The following PPP1R1C variants were observed in gnomAD, a reference collection of about 807,000 sequenced individuals.
PPP1R1C encodes protein phosphatase 1 regulatory subunit 1C.
Under a neutral mutation model 17.4 loss-of-function variants are expected in PPP1R1C, and 15 were observed. The observed-to-expected ratio is 0.86, with a 90% CI of 0.58 to 1.33. PPP1R1C has a LOEUF of 1.33. Ranked by LOEUF, PPP1R1C falls within the 40% of genes most tolerant of loss-of-function variation. The pLI is 0.00. For synonymous variants in PPP1R1C, 35 were observed against 43.1 expected, an observed-to-expected ratio of 0.81 and a Z score of 0.73; for missense variants, 143 against 130.0, an observed-to-expected ratio of 1.10 and a Z score of -0.48.
At chr2:182,051,504 C>T (rs973210128) in intron 2 of PPP1R1C, among the ~76,000 whole-genome samples, 1 of 152,012 alleles carries the variant, frequency 6.6e-6, no homozygotes. Flanking sequence ...ACAGTATTTC[C>T]ATTGATAGAC....
chr2:182,117,928 T>G (rs376296989), downstream of PPP1R1C: 3 of 152,140 alleles, frequency 2.0e-5, no homozygotes, highest in East Asian at 1.9e-4. Flanking sequence ...ATTCTCTTCA[T>G]TTTCTAAGCT....
chr2:182,023,203 T>A (rs896147716), intron 2 of PPP1R1C, among the ~76,000 whole-genome samples: 1 of 152,022 alleles, frequency 6.6e-6, no homozygotes, highest in Non-Finnish European at 1.5e-5. Context: ...AAATACTGAG[T>A]AACAACATGA....
intron 4 of PPP1R1C, among the ~76,000 whole-genome samples, chr2:182,084,631 T>G (rs1206997297): frequency 6.6e-6 from 1 of 152,196 alleles, no homozygotes; most frequent in Non-Finnish European, 1.5e-5. Context: ...TGCATCTACT[T>G]TTATGCCAAT....
chr2:182,100,615 C>T (rs1326579948), intron 4 of PPP1R1C, among the ~76,000 whole-genome samples: 1 of 151,894 alleles, frequency 6.6e-6, no homozygotes, highest in East Asian at 1.9e-4. Flanking sequence ...TGAAAGATTA[C>T]TTGGTCACTT....
At chr2:181,978,478 T>G (rs188462936) in intron 2 of PPP1R1C, among the ~76,000 whole-genome samples, 1 of 152,304 alleles carries the variant, frequency 6.6e-6, no homozygotes, top group Non-Finnish European at 1.5e-5. Flanking sequence ...CTTTGGAAGC[T>G]TCTTAACTCG....
chr2:182,039,989 TC>T lies in PPP1R1C; in HGVS notation c.143-21452del, dbSNP rs1412521818. Among the ~76,000 whole-genome samples the T allele has an allele frequency of 2.6e-5, 4 of 152,246 alleles. 1 individual carries two copies. The highest frequency in any genetic ancestry group is 9.6e-5 in the African/African-American group (4 of 41,452). The stretch of plus-strand genomic sequence containing the variant: ...GTTGCTGCAAAAGACATTATTTCAT[TC>T]TTTTTATAGCTGAGTAGTATTCCAT... On this transcript the variant is annotated intron_variant, in intron 2 of 4. Transcript: ENST00000682840.
At chr2:182,065,859 T>C (rs1420608236) in intron 4 of PPP1R1C, among the ~76,000 whole-genome samples, 1 of 152,212 alleles carries the variant, frequency 6.6e-6, no homozygotes, top group African/African-American at 2.4e-5. Context: ...CTTTGTCTCA[T>C]GCTAAATTTT....
intron 1 of PPP1R1C, among the ~76,000 whole-genome samples, chr2:181,965,216 G>A (rs188893808): frequency 7.2e-5 from 11 of 152,192 alleles, no homozygotes; most frequent in Admixed American, 5.9e-4. Flanking sequence ...CATAAGAATA[G>A]TTTGCAAACA....
chr2:182,025,739 G>A (rs372675727), intron 2 of PPP1R1C, among the ~76,000 whole-genome samples: 9,031 of 142,162 alleles, frequency 0.064, 265 homozygotes, highest in Non-Finnish European at 0.091. Context: ...TGGGATGGCT[G>A]GGTCAAATGG....
chr2:181,962,169 T>C lies in PPP1R1C; in HGVS notation n.111+7535T>C. On this transcript the variant is annotated intron_variant and non_coding_transcript_variant, in intron 1 of 5. Transcript: ENST00000464264. This position sits in a 1 kb window ranked among gnomAD's most constrained non-coding sequence, Gnocchi z 6.0. Reference sequence around the variant, plus strand: ...ATTTTGCTCTCCAGCTTCCGGTTCTTGGTCTCCAGGCTCCTCACTCTGTCC... The same window carrying C: ...ATTTTGCTCTCCAGCTTCCGGTTCTCGGTCTCCAGGCTCCTCACTCTGTCC... 1 of 742,194 alleles carries C rather than the reference T, an allele frequency of 1.3e-6. No individual in the cohort carries two copies. Among genetic ancestry groups the C allele is most frequent in the Non-Finnish European group, 2.5e-6 (1 of 406,348 alleles). The allele number at this position is 742,194 out of a possible 1,614,324, so 46.0% of individuals were successfully genotyped here. A position where few individuals can be genotyped will look rare whatever the true frequency, so the allele number is the denominator to read the frequency against.
chr2:182,111,838 T>C (rs58353107), intron 4 of PPP1R1C, among the ~76,000 whole-genome samples: 53,543 of 151,786 alleles, frequency 0.35, 10,028 homozygotes, highest in Non-Finnish European at 0.41. Context: ...TAGAAAGCCA[T>C]CTTTCTAAGC....
At chr2:181,997,242 A>G (rs1366713357) in intron 2 of PPP1R1C, among the ~76,000 whole-genome samples, 7 of 151,812 alleles carry the variant, frequency 4.6e-5, no homozygotes, top group African/African-American at 1.2e-4. Context: ...AAAAAAAAAA[A>G]AAAGAAAAGA....
chr2:182,051,006 G>A (rs1687498805), intron 2 of PPP1R1C, among the ~76,000 whole-genome samples: 1 of 152,166 alleles, frequency 6.6e-6, no homozygotes, highest in Admixed American at 6.5e-5. Flanking sequence ...AGCAGCAGCT[G>A]AGCTTCTCAT....
At chr2:182,103,921 C>A (rs1186943279) in intron 4 of PPP1R1C, 1 of 152,126 alleles carries the variant, frequency 6.6e-6, no homozygotes, top group Non-Finnish European at 1.5e-5. Flanking sequence ...AGAAAAGTTT[C>A]AGTAACAGGA....
chr2:181,966,664 G>T (rs745744022), intron 1 of PPP1R1C, among the ~76,000 whole-genome samples: 1 of 151,974 alleles, frequency 6.6e-6, no homozygotes. Flanking sequence ...AATCTCTGTT[G>T]TTCACGATGA....
intron 4 of PPP1R1C, chr2:182,103,786 G>A (rs1689169571): frequency 2.0e-5 from 3 of 152,282 alleles, no homozygotes; most frequent in African/African-American, 7.2e-5. Context: ...AGCAAGCTGA[G>A]TAATGAGAAA....
chr2:182,054,845 G>C (rs1011020715), intron 2 of PPP1R1C, among the ~76,000 whole-genome samples: 1 of 152,032 alleles, frequency 6.6e-6, no homozygotes, highest in Admixed American at 6.5e-5. Flanking sequence ...ATTTTTAGTA[G>C]AGACAGGGTT....
rs1685286324 is a variant in PPP1R1C, at chr2:181,986,030, T to C, written c.-81T>C. On this transcript the variant is annotated 5_prime_UTR_variant, in exon 1 of 5. Coordinates refer to ENST00000682840, the MANE Select transcript of PPP1R1C (RefSeq NM_001080545.3). ...ACTCTGTGTGGCTTAGTGGAGTGTG[T>C]CTGAGGAAACACATCCCGGACACCA... 9.5e-7 allele frequency: 1 copy of C among 1,056,704 alleles called. No homozygotes were observed. Among genetic ancestry groups the C allele is most frequent in the Admixed American group, 1.7e-5 (1 of 58,610 alleles). 65.5% of individuals were successfully genotyped at this position (1,056,704 alleles called of 1,614,324 possible).
At chr2:181,975,372 A>G (rs1685078502) in intron 2 of PPP1R1C, 1 of 151,956 alleles carries the variant, frequency 6.6e-6, no homozygotes, top group Non-Finnish European at 1.5e-5. Context: ...GATGGTGCAT[A>G]ATACTATTTA....
Sources: gnomAD v4.1 joint callset for allele counts (sites outside exome capture counted in the v4.1 genomes callset) on GRCh38, gnomAD v4.1.1 for gene constraint, Gnocchi (gnomAD v3.1) non-coding constraint, MANE v1.5 for transcripts, NCBI Gene and HGNC (gene_info 2026-07-23, HGNC 2026-07-21) for gene names.